PRR11: variants seen among roughly 807,000 people sequenced by gnomAD.
PRR11 encodes the protein proline-rich protein 11.
In PRR11, 30 loss-of-function variants were observed where a neutral mutation model predicts 45.6. The observed-to-expected ratio is 0.66, with a 90% confidence interval of 0.49 to 0.89. The LOEUF is 0.89. Among genes scored for constraint, PRR11 ranks in the 40% least tolerant of loss-of-function variants. The pLI, the probability that PRR11 is intolerant of heterozygous loss-of-function variation, is 0.00. For synonymous variants in PRR11, 128 were observed against 153.5 expected, an observed-to-expected ratio of 0.83 and a Z score of 1.23; for missense variants, 373 against 424.8, an observed-to-expected ratio of 0.88 and a Z score of 1.07.
intron 2 of PRR11, among the ~76,000 whole-genome samples, chr17:59,176,127 C>T (rs553243578): frequency 2.0e-5 from 3 of 152,220 alleles, no homozygotes; most frequent in African/African-American, 7.2e-5. Flanking sequence ...ATGGGTCCTT[C>T]CCTTCAGAAC....
chr17:59,199,213 G>T (rs895562876), intron 9 of PRR11, among the ~76,000 whole-genome samples: 1 of 152,202 alleles, frequency 6.6e-6, no homozygotes, highest in African/African-American at 2.4e-5. Context: ...AGTCGAAGAA[G>T]GAAGAGGCAT....
chr17:59,191,852 G>T (rs1053210058), intron 4 of PRR11, among the ~76,000 whole-genome samples: 1 of 152,098 alleles, frequency 6.6e-6, no homozygotes, highest in African/African-American at 2.4e-5. Context: ...TTCCATCCCT[G>T]CTCCCAGAAT....
intron 1 of PRR11, among the ~76,000 whole-genome samples, chr17:59,157,635 G>T (rs1438865102): frequency 2.0e-5 from 3 of 151,958 alleles, no homozygotes; most frequent in African/African-American, 7.3e-5. Flanking sequence ...CCAGGAGGTG[G>T]AGGTGGCATT....
At chr17:59,194,945 G>GATCCTCCCACCTT in intron 6 of PRR11, 90 bp downstream of exon 6, 2 of 1,041,418 alleles carry the variant, frequency 1.9e-6, no homozygotes, top group Non-Finnish European at 1.4e-6. Flanking sequence ...AGACCAAGGT[G>GATCCTCCCACCTT]GGAGGATCAC....
intron 4 of PRR11, among the ~76,000 whole-genome samples, chr17:59,191,757 A>G (rs759073659): frequency 1.1e-4 from 17 of 152,102 alleles, no homozygotes; most frequent in Admixed American, 2.0e-4. Flanking sequence ...TGATATATGC[A>G]GGAAAATATC....
At chr17:59,179,962 C>T in intron 2 of PRR11, 1 of 1,212,324 alleles carries the variant, frequency 8.2e-7, no homozygotes, top group South Asian at 1.2e-5. Context: ...AACCACTCTC[C>T]ATCCTCCCCA....
At chr17:59,178,056 G>A (rs1469739640) in intron 2 of PRR11, among the ~76,000 whole-genome samples, 4 of 151,852 alleles carry the variant, frequency 2.6e-5, no homozygotes, top group African/African-American at 9.7e-5. Context: ...GGAGCCAGAG[G>A]GGCACAGTGG....
chr17:59,169,936 A>G, intron 2 of PRR11, 56 bp downstream of exon 2: 2 of 1,512,242 alleles, frequency 1.3e-6, no homozygotes, highest in Non-Finnish European at 1.8e-6. Flanking sequence ...AGTTTAAGAT[A>G]GAGTTTCAGA....
Position 59,181,504 on chromosome 17 carries a change from C to T in PRR11, c.129-3550C>T, listed in dbSNP as rs184796889. 281 of 1,145,922 alleles carry T rather than the reference C, an allele frequency of 2.5e-4. 6 individuals carry two copies. The African/African-American group carries it at 4.0e-3, about 16-fold the overall frequency. The allele number at this position is 1,145,922 out of a possible 1,614,324, so 71.0% of individuals were successfully genotyped here. ...GATTGGAGGTGCTCTCTGGGGTGTCCTCCTACCAAGCAGCCTGTTGAAGTC... is the reference window on the plus strand; with the variant it reads ...GATTGGAGGTGCTCTCTGGGGTGTCTTCCTACCAAGCAGCCTGTTGAAGTC... On this transcript the variant is annotated intron_variant, in intron 2 of 9. Transcript: ENST00000262293.
chr17:59,201,695 G>A lies in PRR11; in HGVS notation c.*64G>A. 1 of 1,539,134 alleles carries A rather than the reference G, an allele frequency of 6.5e-7. No individual in the cohort carries two copies. Among genetic ancestry groups the A allele is most frequent in the Non-Finnish European group, 9.0e-7 (1 of 1,115,610 alleles). On this transcript the variant is annotated 3_prime_UTR_variant, in exon 10 of 10. Transcript: ENST00000262293. ...AATACAGATAAAAACACCCAGCTGG[G>A]TGCAGTGGCTCACACCTGTAATCCC...
At position 59,175,170 on chromosome 17, in the gene PRR11, A is replaced by G. The variant is rs1232480830; in HGVS notation, c.128+5290A>G. The G allele has an allele frequency of 5.8e-6, 3 of 514,542 alleles. No homozygotes were observed. The East Asian group carries it at 1.6e-4, about 27-fold the overall frequency. The allele number at this position is 514,542 out of a possible 1,614,324, so 31.9% of individuals were successfully genotyped here. ...GTTGCCGCTCAGGGACACCACCAGGAGAGACCTCTGGCTGAGGTCAGCTTC... is the reference window on the plus strand; with the variant it reads ...GTTGCCGCTCAGGGACACCACCAGGGGAGACCTCTGGCTGAGGTCAGCTTC... On this transcript the variant is annotated intron_variant, in intron 2 of 9. Coordinates refer to ENST00000262293, the MANE Select transcript of PRR11 (RefSeq NM_018304.4).
At chr17:59,186,417 A>G (rs1236293820) in intron 4 of PRR11, among the ~76,000 whole-genome samples, 3 of 77,230 alleles carry the variant, frequency 3.9e-5, no homozygotes, top group Admixed American at 1.7e-4. Flanking sequence ...TTTTTTTTAG[A>G]CAGAATCTCA....
rs950767019 is a variant in PRR11 at position 59,205,429 on chromosome 17, C to T, written c.*3798C>T. On this transcript the variant is annotated 3_prime_UTR_variant, in exon 10 of 10. Transcript: ENST00000262293. ...TAGAAAAGTAAATGTTGGCCGGGTG[C>T]GGTGGCTCATGCCTATAATCCCAGC... Among the ~76,000 whole-genome samples the T allele has an allele frequency of 3.3e-5, 5 of 151,326 alleles. No homozygotes were observed. Among genetic ancestry groups the T allele is most frequent in the South Asian group, 2.1e-4 (1 of 4,752 alleles).
intron 9 of PRR11, among the ~76,000 whole-genome samples, chr17:59,198,046 C>T (rs181903687): frequency 1.1e-3 from 162 of 152,148 alleles, no homozygotes; most frequent in African/African-American, 3.8e-3. Context: ...CCCAGGAGGT[C>T]AAGGCTGCAG....
chr17:59,186,381 A>ATTTTTTTTTTTTTT (rs59082405), intron 4 of PRR11, among the ~76,000 whole-genome samples: 4 of 84,610 alleles, frequency 4.7e-5, no homozygotes, highest in Non-Finnish European at 7.0e-5. Flanking sequence ...GCTGTTTGTA[A>ATTTTTTTTTTTTTT]TTTTTTTTTT....
rs1259933736 is a variant in PRR11 at position 59,202,662 on chromosome 17, A to G, written c.*1031A>G. 1 of 152,220 alleles carries G rather than the reference A, an allele frequency of 6.6e-6. No homozygotes were observed. Among genetic ancestry groups the G allele is most frequent in the Non-Finnish European group, 1.5e-5 (1 of 68,028 alleles). 9.4% of individuals were successfully genotyped at this position (152,220 alleles called of 1,614,324 possible). ...GAAGTCTAAGGTATTCCTTATTTTTATATCTGCTGTCCACATTTATACAGC... is the reference window on the plus strand; with the variant it reads ...GAAGTCTAAGGTATTCCTTATTTTTGTATCTGCTGTCCACATTTATACAGC... On this transcript the variant is annotated 3_prime_UTR_variant, in exon 10 of 10. Coordinates refer to ENST00000262293, the MANE Select transcript of PRR11 (RefSeq NM_018304.4).
chr17:59,174,903 G>A (rs1449929725), intron 2 of PRR11: 2 of 1,133,296 alleles, frequency 1.8e-6, no homozygotes, highest in Non-Finnish European at 2.6e-6. Context: ...CCCTTGTCCA[G>A]CCTCCAGCCC....
intron 1 of PRR11, among the ~76,000 whole-genome samples, chr17:59,161,430 C>T (rs1160688443): frequency 6.9e-6 from 1 of 144,938 alleles, no homozygotes; most frequent in African/African-American, 2.6e-5. Context: ...AAAACAAAAA[C>T]ATAAAACAAA....
At chr17:59,188,942 A>AAATAATAATAATAAT (rs56917280) in intron 4 of PRR11, among the ~76,000 whole-genome samples, 93 of 144,344 alleles carry the variant, frequency 6.4e-4, no homozygotes, top group Middle Eastern at 3.6e-3. Context: ...TGTGTCTCAA[A>AAATAATAATAATAAT]AATAATAATA....
Sources: gnomAD v4.1 joint callset for allele counts (sites outside exome capture counted in the v4.1 genomes callset) on GRCh38, gnomAD v4.1.1 for gene constraint, MANE v1.5 for transcripts, NCBI Gene and HGNC (gene_info 2026-07-23, HGNC 2026-07-21) for gene names.